ALDH1B1: variants seen among roughly 807,000 people sequenced by gnomAD.
The protein encoded by ALDH1B1 is aldehyde dehydrogenase 1 family member B1.
In ALDH1B1, 19 loss-of-function variants were observed where a neutral mutation model predicts 26.2. That is an observed-to-expected ratio of 0.72 (90% CI 0.51 to 1.06). The LOEUF (loss-of-function observed/expected upper bound fraction) is 1.06. Among genes scored for constraint, ALDH1B1 ranks in the 50% least tolerant of loss-of-function variants. The probability of loss-of-function intolerance (pLI) is 0.00; values close to 1 mark genes in which losing one functional copy is unlikely to be tolerated. For synonymous variants in ALDH1B1, 249 were observed against 286.0 expected, an observed-to-expected ratio of 0.87 and a Z score of 1.31; for missense variants, 671 against 683.1, an observed-to-expected ratio of 0.98 and a Z score of 0.20.
Position 38,397,378 on chromosome 9 carries a change from T to C in ALDH1B1, c.*76T>C. 6.8e-7 allele frequency: 1 copy of C among 1,478,886 alleles called. No homozygotes were observed. The allele number at this position is 1,478,886 out of a possible 1,614,324, so 91.6% of individuals were successfully genotyped here. On this transcript the variant is annotated 3_prime_UTR_variant, in exon 2 of 2. Coordinates refer to ENST00000377698, the MANE Select transcript of ALDH1B1 (RefSeq NM_000692.5). ...TTGACGAATGCTTGCCAAGCTGTTT[T>C]AAAGCCAAGAACACCCTTTCTTTGT...
Position 38,397,407 on chromosome 9 carries a change from A to G in ALDH1B1, c.*105A>G. The G allele has an allele frequency of 7.1e-7, 1 of 1,401,004 alleles. No individual in the cohort carries two copies. The highest frequency in any genetic ancestry group is 2.5e-5 in the East Asian group (1 of 40,012). 86.8% of individuals were successfully genotyped at this position (1,401,004 alleles called of 1,614,324 possible). ...GCCAAGAACACCCTTTCTTTGTTCC[A>G]AATTAACTCTTAGAAGAAACCCCAC... is the stretch of plus-strand genomic sequence containing the variant. On this transcript the variant is annotated 3_prime_UTR_variant, in exon 2 of 2. Coordinates refer to ENST00000377698, the MANE Select transcript of ALDH1B1 (RefSeq NM_000692.5).
At chr9:38,392,980 C>T (rs368191107) in intron 1 of ALDH1B1, among the ~76,000 whole-genome samples, 173 bp downstream of exon 1, 3 of 152,222 alleles carry the variant, frequency 2.0e-5, no homozygotes, top group Non-Finnish European at 2.9e-5. Context: ...CTGGGTGACG[C>T]TACAGGAGCC....
intron 1 of ALDH1B1, among the ~76,000 whole-genome samples, chr9:38,393,830 T>A (rs1821231121): frequency 6.6e-6 from 1 of 151,962 alleles, no homozygotes; most frequent in Non-Finnish European, 1.5e-5. Context: ...CCCCTTTTTT[T>A]TTTTCATTTT....
Position 38,397,053 on chromosome 9 carries a change from G to A in ALDH1B1, c.1305G>A (p.Glu435=), listed in dbSNP as rs1225179112. The A allele has an allele frequency of 1.2e-6, 2 of 1,614,100 alleles. No homozygotes were observed. The highest frequency in any genetic ancestry group is 2.7e-5 in the African/African-American group (2 of 74,940). ...TCAAGAAGATTGAGGAGGTGGTTGA[G>A]AGGGCCAACAACACCAGGTATGGCC... is the stretch of plus-strand genomic sequence containing the variant. ...FKFKKIEEVV[E]RANNTRYGLA... Residue 435 remains glutamate (E), a synonymous_variant, in exon 2 of 2, where the codon GAG becomes GAA. Transcript: ENST00000377698.
Position 38,397,437 on chromosome 9 carries a change from A to C in ALDH1B1, c.*135A>C, listed in dbSNP as rs768783100. 2 of 1,236,130 alleles carry C rather than the reference A, an allele frequency of 1.6e-6. No homozygotes were observed. Among genetic ancestry groups the C allele is most frequent in the African/African-American group, 1.5e-5 (1 of 65,384 alleles). 76.6% of individuals were successfully genotyped at this position (1,236,130 alleles called of 1,614,324 possible). On this transcript the variant is annotated 3_prime_UTR_variant, in exon 2 of 2. Coordinates refer to ENST00000377698, the MANE Select transcript of ALDH1B1 (RefSeq NM_000692.5). ...AACTCTTAGAAGAAACCCCACAAAT[A>C]AAGCAATTCAATCAAGGCTGTTCTA...
chr9:38,394,497 G>A, intron 1 of ALDH1B1: 1 of 665,082 alleles, frequency 1.5e-6, no homozygotes, highest in Non-Finnish European at 1.9e-6. Context: ...CTTGCTATGT[G>A]CTCAGGCTGG....
intron 1 of ALDH1B1, among the ~76,000 whole-genome samples, chr9:38,393,578 C>T (rs1821226955): frequency 6.6e-6 from 1 of 152,176 alleles, no homozygotes; most frequent in African/African-American, 2.4e-5. Flanking sequence ...TTCACCCCTC[C>T]AATCCTTACC....
At chr9:38,394,255 G>A (rs1388936704) in intron 1 of ALDH1B1, among the ~76,000 whole-genome samples, 4 of 152,094 alleles carry the variant, frequency 2.6e-5, no homozygotes, top group African/African-American at 4.8e-5. Flanking sequence ...CCTAACACCC[G>A]CAAGGGGAAG....
In ALDH1B1 at chr9:38,396,866, A is replaced by G. The variant is rs949796944; in HGVS notation, c.1118A>G (p.Tyr373Cys). The change falls in exon 2 of 2, where the codon TAC becomes TGC. Residue 373 changes from tyrosine to cysteine, a missense_variant. Coordinates refer to ENST00000377698, the MANE Select transcript of ALDH1B1 (RefSeq NM_000692.5). ...DKEQFERVLG[Y>C]IQLGQKEGAK... ...GAGCAGTTTGAACGAGTCCTAGGCTACATCCAGCTTGGCCAGAAGGAGGGC... is the reference window on the plus strand; with the variant it reads ...GAGCAGTTTGAACGAGTCCTAGGCTGCATCCAGCTTGGCCAGAAGGAGGGC... 2.3e-5 allele frequency: 37 copies of G among 1,614,244 alleles called. No individual in the cohort carries two copies. Among genetic ancestry groups the G allele is most frequent in the Non-Finnish European group, 3.1e-5 (37 of 1,180,042 alleles).
chr9:38,397,481 AC>A lies in ALDH1B1; in HGVS notation c.*181del. 2.0e-6 allele frequency: 2 copies of A among 975,996 alleles called. No homozygotes were observed. Among genetic ancestry groups the A allele is most frequent in the Non-Finnish European group, 3.0e-6 (2 of 676,008 alleles). 60.5% of individuals were successfully genotyped at this position (975,996 alleles called of 1,614,324 possible). The stretch of plus-strand genomic sequence containing the variant: ...TGTTCTATTTAAATCAGAGATGGGG[AC>A]CAGGCTCAGAGTTCTACCTATCTAA... On this transcript the variant is annotated 3_prime_UTR_variant, in exon 2 of 2. Transcript: ENST00000377698.
At position 38,396,388 on chromosome 9, in the gene ALDH1B1, AC is replaced by A. The variant is rs759954510; in HGVS notation, c.646del (p.Leu216SerfsTer20). 1 of 1,613,146 alleles carries A rather than the reference AC, an allele frequency of 6.2e-7. No individual in the cohort carries two copies. The highest frequency in any genetic ancestry group is 1.7e-5 in the Admixed American group (1 of 59,930). On this transcript the variant is annotated frameshift_variant, in exon 2 of 2. Coordinates refer to ENST00000377698, the MANE Select transcript of ALDH1B1 (RefSeq NM_000692.5). LOFTEE classifies it high-confidence loss of function. ...NTVVMKVAEQ[T>X]PLSALYLASL... ...TGTGGTTATGAAGGTGGCAGAGCAG[AC>A]CCCCCTCTCTGCCCTGTATTTGGCC...
At chr9:38,393,470 C>T (rs1399535470) in intron 1 of ALDH1B1, among the ~76,000 whole-genome samples, 5 of 152,174 alleles carry the variant, frequency 3.3e-5, no homozygotes, top group Admixed American at 3.3e-4. Flanking sequence ...AAGTGGAGGC[C>T]CCAGCAAGAA....
At position 38,396,214 on chromosome 9, in the gene ALDH1B1, T is replaced by A. The variant is rs1407138311; in HGVS notation, c.466T>A (p.Trp156Arg). ...GTACTTTGCTGGCTGGGCTGACAAG[T>A]GGCATGGCAAGACCATCCCCATGGA... ...YRYFAGWADK[W>R]HGKTIPMDGQ... The change falls in exon 2 of 2, where the codon TGG (tryptophan) becomes AGG (arginine). Residue 156 changes from tryptophan to arginine, a missense_variant. Physicochemically the swap from Trp to Arg is moderately radical, Grantham distance 101. Transcript: ENST00000377698. 1 of 1,614,112 alleles carries A rather than the reference T, an allele frequency of 6.2e-7. No homozygotes were observed. Among genetic ancestry groups the A allele is most frequent in the Non-Finnish European group, 8.5e-7 (1 of 1,180,010 alleles).
At position 38,392,770 on chromosome 9, in the gene ALDH1B1, C is replaced by T. The variant is rs567297910; in HGVS notation, c.-47C>T. ...AGCTGGGAGGGCCGGAACCAGAACCCAAGCGTGATCCTGAACCGGAGCCCG... is the reference window on the plus strand; with the variant it reads ...AGCTGGGAGGGCCGGAACCAGAACCTAAGCGTGATCCTGAACCGGAGCCCG... On this transcript the variant is annotated 5_prime_UTR_variant, in exon 1 of 2. Coordinates refer to ENST00000377698, the MANE Select transcript of ALDH1B1 (RefSeq NM_000692.5). 6.1e-6 allele frequency: 6 copies of T among 985,622 alleles called. No homozygotes were observed. In the East Asian group the frequency reaches 6.8e-4, roughly 112 times the overall value. 61.1% of individuals were successfully genotyped at this position (985,622 alleles called of 1,614,324 possible).
At position 38,396,898 on chromosome 9, in the gene ALDH1B1, C is replaced by A. The variant is rs1368379819; in HGVS notation, c.1150C>A (p.Leu384Ile). Reference sequence around the variant, plus strand: ...GCTTGGCCAGAAGGAGGGCGCAAAACTCCTCTGTGGCGGAGAGCGTTTCGG... The same window carrying A: ...GCTTGGCCAGAAGGAGGGCGCAAAAATCCTCTGTGGCGGAGAGCGTTTCGG... ...IQLGQKEGAK[L>I]LCGGERFGER... The change falls in exon 2 of 2, where the codon CTC (leucine) becomes ATC (isoleucine). Residue 384 changes from leucine (L) to isoleucine (I), a missense_variant. Leu to Ile is a conservative substitution (Grantham distance 5). Transcript: ENST00000377698. 6.2e-7 allele frequency: 1 copy of A among 1,614,094 alleles called. No homozygotes were observed. Among genetic ancestry groups the A allele is most frequent in the Non-Finnish European group, 8.5e-7 (1 of 1,180,052 alleles).
In ALDH1B1 at chr9:38,395,767, C is replaced by G. The variant is rs150724884; in HGVS notation, c.19C>G (p.Pro7Ala). MLRFLA[P>A]RLLSLQGRTA... ...TGTCAGCATGCTGCGCTTCCTGGCACCCCGGCTGCTTAGCCTCCAGGGCAG... is the reference window on the plus strand; with the variant it reads ...TGTCAGCATGCTGCGCTTCCTGGCAGCCCGGCTGCTTAGCCTCCAGGGCAG... The change falls in exon 2 of 2, where the codon CCC (proline) becomes GCC (alanine). Residue 7 changes from proline (P) to alanine (A), a missense_variant. By Grantham distance (27) the Pro-to-Ala change is conservative. Transcript: ENST00000377698. 22 of 1,597,954 alleles carry G rather than the reference C, an allele frequency of 1.4e-5. No individual in the cohort carries two copies. The highest frequency in any genetic ancestry group is 1.7e-5 in the Admixed American group (1 of 59,100).
chr9:38,392,936 C>T (rs1821217594), intron 1 of ALDH1B1, 129 bp downstream of exon 1: 1 of 979,056 alleles, frequency 1.0e-6, no homozygotes. Context: ...CACTGTAGGA[C>T]TCTCTCCACG....
Position 38,397,488 on chromosome 9 carries a change from TCA to T in ALDH1B1, c.*187_*188del. Reference sequence around the variant, plus strand: ...TTTAAATCAGAGATGGGGACCAGGCTCAGAGTTCTACCTATCTAACCCCCAAC... The same window carrying T: ...TTTAAATCAGAGATGGGGACCAGGCTGAGTTCTACCTATCTAACCCCCAAC... On this transcript the variant is annotated 3_prime_UTR_variant, in exon 2 of 2. Transcript: ENST00000377698. 1 of 918,848 alleles carries T rather than the reference TCA, an allele frequency of 1.1e-6. No homozygotes were observed. The highest frequency in any genetic ancestry group is 1.7e-5 in the African/African-American group (1 of 59,600). 56.9% of individuals were successfully genotyped at this position (918,848 alleles called of 1,614,324 possible).
Position 38,396,212 on chromosome 9 carries a change from A to G in ALDH1B1, c.464A>G (p.Lys155Arg). Residue 155 changes from lysine to arginine, a missense_variant, in exon 2 of 2, where the codon AAG (lysine) becomes AGG (arginine). Physicochemically the swap from Lys to Arg is conservative, Grantham distance 26. Transcript: ENST00000377698. ...CGGTACTTTGCTGGCTGGGCTGACAAGTGGCATGGCAAGACCATCCCCATG... is the reference window on the plus strand; with the variant it reads ...CGGTACTTTGCTGGCTGGGCTGACAGGTGGCATGGCAAGACCATCCCCATG... Reference protein sequence around the residue: ...VYRYFAGWADKWHGKTIPMDG... With the variant: ...VYRYFAGWADRWHGKTIPMDG... The G allele has an allele frequency of 1.9e-6, 3 of 1,614,188 alleles. No homozygotes were observed. The East Asian group carries it at 6.7e-5, about 36-fold the overall frequency.
Sources: gnomAD v4.1 joint callset for allele counts (sites outside exome capture counted in the v4.1 genomes callset) on GRCh38, gnomAD v4.1.1 for gene constraint, MANE v1.5 for transcripts, NCBI Gene and HGNC (gene_info 2026-07-23, HGNC 2026-07-21) for gene names.